Variants in ARFGEF1 observed in about 807,000 individuals in gnomAD.
The protein encoded by ARFGEF1 is ARF guanine nucleotide exchange factor 1.
A neutral mutation model predicts 231.0 loss-of-function variants in ARFGEF1; 42 were observed. That is an observed-to-expected ratio of 0.18 (90% CI 0.14 to 0.24). ARFGEF1 has a LOEUF of 0.24. ARFGEF1 is among the 10% of genes least tolerant of loss of function. The pLI is 1.00. For missense variants in ARFGEF1, 1,345 were observed against 2,192.0 expected (o/e 0.61, Z 7.72); for synonymous variants, 710 against 732.3 (o/e 0.97, Z 0.49).
intron 7 of ARFGEF1, among the ~76,000 whole-genome samples, chr8:67,283,489 T>C (rs1258412621): frequency 1.3e-5 from 2 of 152,122 alleles, no homozygotes; most frequent in Non-Finnish European, 2.9e-5. Context: ...CTTAAACATA[T>C]GTAATATATA....
chr8:67,300,570 G>A (rs1806433936), intron 3 of ARFGEF1, among the ~76,000 whole-genome samples: 1 of 147,524 alleles, frequency 6.8e-6, no homozygotes, highest in South Asian at 2.2e-4. Context: ...TGTAATCCCA[G>A]TACTTTGGGA....
intron 19 of ARFGEF1, among the ~76,000 whole-genome samples, chr8:67,250,501 TGAA>T (rs1840247640): frequency 1.3e-5 from 2 of 152,180 alleles, no homozygotes; most frequent in Non-Finnish European, 2.9e-5. Context: ...ACATGGACCT[TGAA>T]GAAGAGGTAG....
chr8:67,199,417 A>C, intron 38 of ARFGEF1: 1 of 215,544 alleles, frequency 4.6e-6, no homozygotes, highest in South Asian at 1.0e-4. Flanking sequence ...AGATTTTATA[A>C]GCTATGGGTT....
intron 22 of ARFGEF1, among the ~76,000 whole-genome samples, chr8:67,236,557 T>C (rs538117822): frequency 6.6e-6 from 1 of 151,848 alleles, no homozygotes; most frequent in South Asian, 2.1e-4. Context: ...ATTTGCCACA[T>C]GGGTTGGCTG....
intron 1 of ARFGEF1, among the ~76,000 whole-genome samples, chr8:67,319,516 A>G (rs1445044356): frequency 1.3e-5 from 2 of 151,980 alleles, no homozygotes; most frequent in Non-Finnish European, 1.5e-5. Context: ...AAAAAAAAAA[A>G]AACTCTTGAC....
Position 67,287,940 on chromosome 8 carries a change from A to C in ARFGEF1, c.1027+15T>G, listed in dbSNP as rs1279855992. ...CCATAGACAGAGTAAAATAATTTTG[A>C]ATGAAGTATACTACCTCCAACAACA... On this transcript the variant is annotated intron_variant, in intron 7 of 38. Coordinates refer to ENST00000262215, the MANE Select transcript of ARFGEF1 (RefSeq NM_006421.5). 2.0e-6 allele frequency: 3 copies of C among 1,518,488 alleles called. No individual in the cohort carries two copies. In the African/African-American group the frequency reaches 4.3e-5, roughly 22 times the overall value. 94.1% of individuals were successfully genotyped at this position (1,518,488 alleles called of 1,614,324 possible). A position where few individuals can be genotyped will look rare whatever the true frequency, so the allele number is the denominator to read the frequency against.
chr8:67,342,919 G>A (rs1808710968), intron 1 of ARFGEF1, among the ~76,000 whole-genome samples: 1 of 151,964 alleles, frequency 6.6e-6, no homozygotes, highest in Non-Finnish European at 1.5e-5. Context: ...CAGGTGCCCC[G>A]CGATCCTAAG....
chr8:67,280,564 A>G (rs1805492154), intron 7 of ARFGEF1, among the ~76,000 whole-genome samples: 1 of 152,234 alleles, frequency 6.6e-6, no homozygotes. Context: ...GAACAAATCA[A>G]CAAGTGTGAA....
rs145845893 is a variant in ARFGEF1, at chr8:67,217,844, T to C, written c.4551A>G (p.Leu1517=). 38 of 1,613,962 alleles carry C rather than the reference T, an allele frequency of 2.4e-5. No homozygotes were observed. In the African/African-American group the frequency reaches 4.4e-4, roughly 19 times the overall value. The part of the protein sequence containing the change: ...VVILNGEKFT[L]EIWDKTCNCT... The stretch of plus-strand genomic sequence containing the variant: ...AGTTGCAAGTTTTATCCCAGATTTC[T>C]AGGGTAAATTTTTCACCATTCAGAA... The change falls in exon 32 of 39, where the codon CTA becomes CTG. Residue 1517 remains leucine (L), a synonymous_variant. Transcript: ENST00000262215.
intron 5 of ARFGEF1, among the ~76,000 whole-genome samples, chr8:67,183,548 A>G (rs1833567721): frequency 6.6e-6 from 1 of 152,250 alleles, no homozygotes; most frequent in African/African-American, 2.4e-5. Flanking sequence ...TTTCTAAATA[A>G]CGCATAGGTC....
chr8:67,284,230 C>T (rs1805655557), intron 7 of ARFGEF1, among the ~76,000 whole-genome samples: 1 of 152,070 alleles, frequency 6.6e-6, no homozygotes, highest in Admixed American at 6.6e-5. Flanking sequence ...CACACACATA[C>T]ATGCAGTACT....
chr8:67,190,380 AGCCGTG>A (rs1387007807), intron 5 of ARFGEF1, among the ~76,000 whole-genome samples: 6 of 152,188 alleles, frequency 3.9e-5, no homozygotes, highest in Non-Finnish European at 2.9e-5. Flanking sequence ...GTTGAAACAG[AGCCGTG>A]TTTGCCCGGG....
chr8:67,244,242 CAAA>C lies in ARFGEF1; in HGVS notation c.2851-3955_2851-3953del, dbSNP rs34333039. 5.0e-4 allele frequency among the ~76,000 whole-genome samples: 10 copies of C among 20,094 alleles called. 2 individuals carry two copies. The highest frequency in any genetic ancestry group is 5.4e-3 in the South Asian group (2 of 368). 13.2% of individuals were successfully genotyped at this position (20,094 alleles called of 152,430 possible). A position where few individuals can be genotyped will look rare whatever the true frequency, so the allele number is the denominator to read the frequency against. On this transcript the variant is annotated intron_variant, in intron 19 of 38. Coordinates refer to ENST00000262215, the MANE Select transcript of ARFGEF1 (RefSeq NM_006421.5). ...TGGGCGACAAAGCGAGACTCCACCTCAAAAAAAAAAAAAAAAAAAAAAAAAACA... is the reference window on the plus strand; with the variant it reads ...TGGGCGACAAAGCGAGACTCCACCTCAAAAAAAAAAAAAAAAAAAAAAACA...
downstream of ARFGEF1, among the ~76,000 whole-genome samples, chr8:67,194,878 G>GGAA (rs1486415682): frequency 1.3e-5 from 2 of 152,150 alleles, no homozygotes; most frequent in African/African-American, 4.8e-5. Flanking sequence ...TTTTAAGAAT[G>GGAA]GAAGTAATCT....
At chr8:67,195,897 G>A (rs1047907870), downstream of ARFGEF1, 15 of 260,042 alleles carry the variant, frequency 5.8e-5, no homozygotes, top group Non-Finnish European at 1.0e-4. Context: ...AAGATAAGGT[G>A]AATAAGTGTC....
At position 67,343,665 on chromosome 8, in the gene ARFGEF1, TCA is replaced by T. The variant is rs1011918793; in HGVS notation, c.-380_-379del. 2.1e-6 allele frequency: 2 copies of T among 974,132 alleles called. No individual in the cohort carries two copies. The highest frequency in any genetic ancestry group is 3.5e-5 in the African/African-American group (2 of 57,070). 60.3% of individuals were successfully genotyped at this position (974,132 alleles called of 1,614,324 possible). On this transcript the variant is annotated 5_prime_UTR_variant, in exon 1 of 39. The change abolishes the stop of an existing upstream ORF in the 5' untranslated region. Coordinates refer to ENST00000262215, the MANE Select transcript of ARFGEF1 (RefSeq NM_006421.5). The stretch of plus-strand genomic sequence containing the variant: ...CTGAGGGACGAGGTGGCGGCGGCTC[TCA>T]GAGGCACCGCGAGAGAAGGGCTACC...
In ARFGEF1 at chr8:67,224,948, T is replaced by G; in HGVS notation, c.4163A>C (p.Glu1388Ala). ...WVRGWFPILF[E>A]LSCIINRCKL... ...GCATCTATTGATGATACAGGATAAC[T>G]CAAAGAGAATTGGGAACCATCCTCT... Residue 1388 changes from glutamate (E) to alanine (A), a missense_variant, in exon 29 of 39, where the codon GAG (glutamate) becomes GCG (alanine). By Grantham distance (107) the Glu-to-Ala change is moderately radical. This residue lies in a region of ARFGEF1 where 142 missense variants were observed against 227.3 expected (regional missense o/e 0.62). Coordinates refer to ENST00000262215, the MANE Select transcript of ARFGEF1 (RefSeq NM_006421.5). 1.2e-6 allele frequency: 2 copies of G among 1,605,508 alleles called. No homozygotes were observed. Among genetic ancestry groups the G allele is most frequent in the Non-Finnish European group, 1.7e-6 (2 of 1,175,048 alleles).
At chr8:67,304,515 T>C (rs760257710) in intron 1 of ARFGEF1, among the ~76,000 whole-genome samples, 12 of 152,230 alleles carry the variant, frequency 7.9e-5, no homozygotes, top group Non-Finnish European at 1.3e-4. Flanking sequence ...CAATCAAAAA[T>C]AATCTTTATC....
chr8:67,323,630 C>A (rs563917827), intron 1 of ARFGEF1, among the ~76,000 whole-genome samples: 90 of 152,176 alleles, frequency 5.9e-4, no homozygotes, highest in Non-Finnish European at 7.5e-4. Context: ...TCCTAAATGC[C>A]TTCCTTTCTC....
Sources: gnomAD v4.1 joint callset for allele counts (sites outside exome capture counted in the v4.1 genomes callset) on GRCh38, gnomAD v4.1.1 for gene constraint, gnomAD v4.1.1 regional missense constraint, MANE v1.5 for transcripts, NCBI Gene and HGNC (gene_info 2026-07-23, HGNC 2026-07-21) for gene names.